Variants in PRMT2 observed in about 807,000 individuals in gnomAD.
PRMT2 encodes protein arginine N-methyltransferase 2.
A neutral mutation model predicts 57.6 loss-of-function variants in PRMT2; 26 were observed. The ratio of observed to expected loss-of-function variants is 0.45; its 90% CI spans 0.33 to 0.63. The LOEUF (loss-of-function observed/expected upper bound fraction) is 0.63. PRMT2 is among the 20% of genes least tolerant of loss of function. PRMT2 has a pLI of 0.02. For synonymous variants in PRMT2, 219 were observed against 220.0 expected (o/e 1.00, Z 0.04); for missense variants, 472 against 564.4 (o/e 0.84, Z 1.66).
chr21:46,636,675 A>T (rs1601908083), intron 2 of PRMT2, 128 bp downstream of exon 2: 1 of 446,566 alleles, frequency 2.2e-6, no homozygotes, highest in East Asian at 4.0e-5. Context: ...CAAGATTAAC[A>T]CCTTGCAGAC....
chr21:46,660,410 T>C (rs1458074513), intron 8 of PRMT2, among the ~76,000 whole-genome samples: 1 of 152,208 alleles, frequency 6.6e-6, no homozygotes, highest in Non-Finnish European at 1.5e-5. Flanking sequence ...ACCGCGTTCA[T>C]TTACTGTTAA....
At chr21:46,662,412 C>G (rs4819272) in intron 10 of PRMT2, among the ~76,000 whole-genome samples, 56,045 of 152,182 alleles carry the variant, frequency 0.37, 11,617 homozygotes, top group Non-Finnish European at 0.44. Flanking sequence ...GGCTACCCCG[C>G]TCTGGCACCT....
chr21:46,636,441 C>A lies in PRMT2; in HGVS notation c.-163C>A. The stretch of plus-strand genomic sequence containing the variant: ...TTTTAAAAACACATTGATCCCAGAG[C>A]AGTGTGTGGATTACACTATCACTGG... On this transcript the variant is annotated splice_region_variant and 5_prime_UTR_variant, in exon 2 of 12. Transcript: ENST00000355680. 6.5e-6 allele frequency: 1 copy of A among 153,804 alleles called. No homozygotes were observed. The allele number at this position is 153,804 out of a possible 1,614,324, so 9.5% of individuals were successfully genotyped here.
At chr21:46,655,948 T>C (rs1397765666) in intron 7 of PRMT2, among the ~76,000 whole-genome samples, 1 of 152,162 alleles carries the variant, frequency 6.6e-6, no homozygotes, top group Non-Finnish European at 1.5e-5. Flanking sequence ...TTATGAAATG[T>C]ATATGGAATG....
Position 46,641,719 on chromosome 21 carries a change from CTGTGTGTGTGTG to C in PRMT2, c.40-1798_40-1787del, listed in dbSNP as rs34542867. ...AAAAAAAGCCAAACAAAGAAACAGC[CTGTGTGTGTGTG>C]TGTGTGTGTGTGTGTGTATACGTGT... On this transcript the variant is annotated intron_variant, in intron 3 of 11. Coordinates refer to ENST00000355680, the MANE Select transcript of PRMT2 (RefSeq NM_206962.4). Among the ~76,000 whole-genome samples the C allele has an allele frequency of 7.4e-5, 11 of 148,218 alleles. 1 individual carries two copies. The highest frequency in any genetic ancestry group is 4.3e-4 in the South Asian group (2 of 4,638).
intron 7 of PRMT2, chr21:46,651,865 C>A: frequency 1.2e-6 from 2 of 1,612,732 alleles, no homozygotes; most frequent in East Asian, 2.2e-5. Flanking sequence ...GCCCTCTTCA[C>A]GTCCTCCTGG....
intron 7 of PRMT2, 119 bp from the exon 8 acceptor site, chr21:46,658,626 A>G: frequency 6.6e-7 from 1 of 1,508,574 alleles, no homozygotes; most frequent in Non-Finnish European, 8.9e-7. Context: ...CTAGGCAGGA[A>G]TATTCTTGAG....
At chr21:46,662,099 G>A (rs1021129382) in intron 10 of PRMT2, among the ~76,000 whole-genome samples, 163 bp downstream of exon 10, 2 of 151,292 alleles carry the variant, frequency 1.3e-5, no homozygotes, top group East Asian at 3.9e-4. Context: ...CGCGCATGGG[G>A]GCACGGGTGG....
intron 10 of PRMT2, 81 bp from the exon 11 acceptor site, chr21:46,663,302 C>A: frequency 1.4e-6 from 2 of 1,428,472 alleles, no homozygotes; most frequent in Non-Finnish European, 1.9e-6. Flanking sequence ...AGAGCCAGTG[C>A]GAGCCTGAGT....
intron 8 of PRMT2, chr21:46,659,805 A>T: frequency 1.0e-6 from 1 of 985,456 alleles, no homozygotes; most frequent in Non-Finnish European, 1.2e-6. Context: ...GAATTGCTGT[A>T]TATCCATCTG....
intron 11 of PRMT2, 24 bp downstream of exon 11, chr21:46,663,578 C>T (rs779746007): frequency 5.0e-6 from 8 of 1,607,264 alleles, no homozygotes. Flanking sequence ...TTGTAAGATT[C>T]TGTCCTGTGG....
chr21:46,636,882 C>G lies in PRMT2; in HGVS notation c.-56-14C>G. Reference sequence around the variant, plus strand: ...TAACAAGTACTTTGTGTCTCCTTCTCTTTTTAAAAGTAGAAATGGAAAAGA... The same window carrying G: ...TAACAAGTACTTTGTGTCTCCTTCTGTTTTTAAAAGTAGAAATGGAAAAGA... On this transcript the variant is annotated splice_polypyrimidine_tract_variant and intron_variant, in intron 2 of 11. Transcript: ENST00000355680. The G allele has an allele frequency of 1.3e-6, 2 of 1,522,854 alleles. No individual in the cohort carries two copies. Among genetic ancestry groups the G allele is most frequent in the African/African-American group, 1.4e-5 (1 of 72,140 alleles). The allele number at this position is 1,522,854 out of a possible 1,614,324, so 94.3% of individuals were successfully genotyped here.
intron 5 of PRMT2, among the ~76,000 whole-genome samples, chr21:46,645,603 G>A (rs1289692884): frequency 1.3e-5 from 2 of 152,192 alleles, no homozygotes; most frequent in Non-Finnish European, 2.9e-5. Context: ...GTTACTTGCA[G>A]GATGAATGTT....
At chr21:46,643,400 C>G (rs530125534) in intron 3 of PRMT2, 135 bp from the exon 4 acceptor site, 257 of 1,287,330 alleles carry the variant, frequency 2.0e-4, no homozygotes, top group Non-Finnish European at 2.3e-4. Flanking sequence ...TAAAGATGAT[C>G]CAAATAGTTT....
chr21:46,662,874 A>T (rs2061651713), intron 10 of PRMT2, among the ~76,000 whole-genome samples: 1 of 152,112 alleles, frequency 6.6e-6, no homozygotes. Flanking sequence ...GACTCCTTGG[A>T]CCTGATTCTG....
At chr21:46,639,896 A>G (rs928527221) in intron 3 of PRMT2, among the ~76,000 whole-genome samples, 3 of 152,152 alleles carry the variant, frequency 2.0e-5, no homozygotes, top group Admixed American at 1.3e-4. Context: ...GAATGTGATG[A>G]AGTGTAACAT....
At chr21:46,640,882 T>A (rs1195886402) in intron 3 of PRMT2, among the ~76,000 whole-genome samples, 1 of 151,944 alleles carries the variant, frequency 6.6e-6, no homozygotes, top group Non-Finnish European at 1.5e-5. Flanking sequence ...TGCTTCAGTT[T>A]GGAAAATTTC....
intron 1 of PRMT2, chr21:46,635,989 C>T (rs1053506564): frequency 3.3e-5 from 5 of 152,682 alleles, no homozygotes; most frequent in African/African-American, 1.2e-4. Context: ...CCCGGCCACT[C>T]CCGCCGTCCA....
rs1601963253 is a variant in PRMT2 at position 46,664,966 on chromosome 21, T to G, written c.*639T>G. 6.5e-6 allele frequency: 1 copy of G among 152,732 alleles called. No individual in the cohort carries two copies. Among genetic ancestry groups the G allele is most frequent in the Non-Finnish European group, 1.5e-5 (1 of 68,416 alleles). 9.5% of individuals were successfully genotyped at this position (152,732 alleles called of 1,614,324 possible). A position where few individuals can be genotyped will look rare whatever the true frequency, so the allele number is the denominator to read the frequency against. ...AGTGAATGTCATTGTGTATCCTGTTTTATGCATATATGTTATTTTTTGTAA... is the reference window on the plus strand; with the variant it reads ...AGTGAATGTCATTGTGTATCCTGTTGTATGCATATATGTTATTTTTTGTAA... On this transcript the variant is annotated 3_prime_UTR_variant, in exon 12 of 12. Coordinates refer to ENST00000355680, the MANE Select transcript of PRMT2 (RefSeq NM_206962.4).
Sources: gnomAD v4.1 joint callset for allele counts (sites outside exome capture counted in the v4.1 genomes callset) on GRCh38, gnomAD v4.1.1 for gene constraint, MANE v1.5 for transcripts, NCBI Gene and HGNC (gene_info 2026-07-23, HGNC 2026-07-21) for gene names.